The following CUX1 variants were observed in gnomAD, a reference collection of about 807,000 sequenced individuals.
The protein encoded by CUX1 is protein CASP.
A neutral mutation model predicts 158.8 loss-of-function variants in CUX1; 31 were observed. The ratio of observed to expected loss-of-function variants is 0.20; its 90% CI spans 0.15 to 0.26. CUX1 has a LOEUF of 0.26. CUX1 is among the 10% of genes least tolerant of loss of function. The probability of loss-of-function intolerance (pLI) is 1.00; values close to 1 mark genes in which losing one functional copy is unlikely to be tolerated. For missense variants in CUX1, 1,589 were observed against 2,014.6 expected (o/e 0.79, Z 4.04); for synonymous variants, 879 against 862.1 (o/e 1.02, Z -0.34).
At chr7:102,048,895 A>C (rs898401737) in intron 3 of CUX1, among the ~76,000 whole-genome samples, 2 of 152,146 alleles carry the variant, frequency 1.3e-5, no homozygotes, top group Non-Finnish European at 2.9e-5. Flanking sequence ...CCTGGGTGAC[A>C]GAGCGAGACT....
At chr7:101,875,138 G>A (rs945071578) in intron 1 of CUX1, among the ~76,000 whole-genome samples, 15 of 152,126 alleles carry the variant, frequency 9.9e-5, no homozygotes. Context: ...CTCTCTTACC[G>A]GGAGTAAAGT....
chr7:102,175,677 C>T (rs1792238488), intron 10 of CUX1, among the ~76,000 whole-genome samples: 1 of 152,128 alleles, frequency 6.6e-6, no homozygotes, highest in Non-Finnish European at 1.5e-5. Context: ...CCGAGGCCCA[C>T]CCATTCCCCC....
At chr7:102,074,297 A>G (rs1308179831) in intron 4 of CUX1, among the ~76,000 whole-genome samples, 4 of 152,186 alleles carry the variant, frequency 2.6e-5, no homozygotes, top group Non-Finnish European at 5.9e-5. Context: ...CTTGGGAATA[A>G]TGCAACAGGC....
chr7:102,172,103 TGAGA>T (rs1224516386), intron 10 of CUX1, among the ~76,000 whole-genome samples: 3 of 152,110 alleles, frequency 2.0e-5, no homozygotes, highest in African/African-American at 7.2e-5. Flanking sequence ...TTCTTTTTTT[TGAGA>T]GAGAGTCTTC....
chr7:101,974,841 C>T (rs1332638507), intron 2 of CUX1, among the ~76,000 whole-genome samples: 2 of 152,080 alleles, frequency 1.3e-5, no homozygotes, highest in Non-Finnish European at 2.9e-5. Flanking sequence ...GAAGGCATCT[C>T]AGGAGTGTTT....
intron 20 of CUX1, among the ~76,000 whole-genome samples, chr7:102,206,490 C>T (rs1167953265): frequency 1.3e-5 from 2 of 152,134 alleles, no homozygotes; most frequent in African/African-American, 4.8e-5. Context: ...GGAAAGTTAG[C>T]CTTGACCCCC....
chr7:102,099,475 GTT>G (rs111487536), intron 5 of CUX1, among the ~76,000 whole-genome samples: 5 of 142,782 alleles, frequency 3.5e-5, no homozygotes, highest in Admixed American at 7.0e-5. Flanking sequence ...GAGTATCCTG[GTT>G]TTTTTTTTTT....
intron 8 of CUX1, among the ~76,000 whole-genome samples, chr7:102,119,665 A>G (rs1236552225): frequency 6.6e-6 from 1 of 152,216 alleles, no homozygotes; most frequent in African/African-American, 2.4e-5. Context: ...GTTTCCGATT[A>G]TAACCATTTC....
intron 4 of CUX1, among the ~76,000 whole-genome samples, chr7:102,080,168 C>T (rs1554478119): frequency 1.3e-5 from 2 of 152,184 alleles, no homozygotes; most frequent in East Asian, 1.9e-4. Flanking sequence ...TCCATCCTCC[C>T]CCGGTCCCTC....
intron 11 of CUX1, among the ~76,000 whole-genome samples, 192 bp downstream of exon 11, chr7:102,178,849 C>G (rs1473881339): frequency 6.6e-6 from 1 of 152,110 alleles, no homozygotes; most frequent in Non-Finnish European, 1.5e-5. Context: ...TGGCATCAGC[C>G]CTTGTGTAAA....
At chr7:102,061,774 C>T (rs1005693350) in intron 3 of CUX1, among the ~76,000 whole-genome samples, 3 of 152,138 alleles carry the variant, frequency 2.0e-5, no homozygotes, top group South Asian at 4.2e-4. Context: ...GTGGCTCATG[C>T]CTGTAATCCC....
Position 101,916,544 on chromosome 7 carries a change from A to C in CUX1, c.141+319A>C, listed in dbSNP as rs1584971917. 1 of 287,084 alleles carries C rather than the reference A, an allele frequency of 3.5e-6. No individual in the cohort carries two copies. The highest frequency in any genetic ancestry group is 7.1e-6 in the Non-Finnish European group (1 of 141,766). 17.8% of individuals were successfully genotyped at this position (287,084 alleles called of 1,614,324 possible). A position where few individuals can be genotyped will look rare whatever the true frequency, so the allele number is the denominator to read the frequency against. The stretch of plus-strand genomic sequence containing the variant: ...TCTCAGACCCTCGAGCTCATCCCAG[A>C]CCCTGTCCCATGTCAGTTAGCAAGC... On this transcript the variant is annotated intron_variant, in intron 2 of 23. Coordinates refer to ENST00000292535, the MANE Select transcript of CUX1 (RefSeq NM_181552.4). The surrounding 1 kb of genome is among the most constrained non-coding windows in gnomAD (Gnocchi z 4.4).
chr7:101,888,310 G>A lies in CUX1; in HGVS notation c.31-27805G>A, dbSNP rs558018632. ...CGTGCCACTGCACTCCAGCCTGGGT[G>A]ACAGAGTGAGGCTCCGTCTCCAAAA... On this transcript the variant is annotated intron_variant, in intron 1 of 23. Transcript: ENST00000292535. Among the ~76,000 whole-genome samples, 9 of 152,108 alleles carry A rather than the reference G, an allele frequency of 5.9e-5. No individual in the cohort carries two copies. In the South Asian group the frequency reaches 1.9e-3, roughly 32 times the overall value.
Position 101,916,201 on chromosome 7 carries a change from G to C in CUX1, c.117G>C (p.Arg39=). The part of the protein sequence containing the change: ...QSRKRLIEQS[R]EFKKNTPEDL... ...GAAAGCGGCTTATCGAACAGAGCCGGGAGTTCAAGAAGAACACTCCAGAGG... is the reference window on the plus strand; with the variant it reads ...GAAAGCGGCTTATCGAACAGAGCCGCGAGTTCAAGAAGAACACTCCAGAGG... The change falls in exon 2 of 24, where the codon CGG becomes CGC. Residue 39 remains arginine (R), a synonymous_variant. Transcript: ENST00000292535. The surrounding 1 kb of genome is among the most constrained non-coding windows in gnomAD (Gnocchi z 4.4). 3 of 1,613,386 alleles carry C rather than the reference G, an allele frequency of 1.9e-6. No individual in the cohort carries two copies. Among genetic ancestry groups the C allele is most frequent in the Non-Finnish European group, 2.5e-6 (3 of 1,179,420 alleles).
chr7:102,280,221 TC>T, intron 19 of CUX1: 1 of 723,822 alleles, frequency 1.4e-6, no homozygotes. Flanking sequence ...CACTCGGCCT[TC>T]CCTGGCTCCC....
intron 1 of CUX1, among the ~76,000 whole-genome samples, chr7:101,844,087 C>T (rs1214787703): frequency 6.6e-6 from 1 of 152,172 alleles, no homozygotes; most frequent in Non-Finnish European, 1.5e-5. Flanking sequence ...GCTGTGTCAA[C>T]CAATCAGCCC....
rs1436171503 is a variant in CUX1, at chr7:102,248,545, G to C, written c.4021G>C (p.Val1341Leu). 9.3e-6 allele frequency: 14 copies of C among 1,506,776 alleles called. No homozygotes were observed. Among genetic ancestry groups the C allele is most frequent in the Non-Finnish European group, 1.2e-5 (14 of 1,131,558 alleles). The allele number at this position is 1,506,776 out of a possible 1,614,324, so 93.3% of individuals were successfully genotyped here. A position where few individuals can be genotyped will look rare whatever the true frequency, so the allele number is the denominator to read the frequency against. The change falls in exon 24 of 24, where the codon GTG becomes CTG. Residue 1341 changes from valine to leucine, a missense_variant. By Grantham distance (32) the Val-to-Leu change is conservative. Around this residue, in one of 8 missense-constraint regions of CUX1, gnomAD observed 344 missense variants for 323.7 expected, o/e 1.06. Coordinates refer to ENST00000292535, the MANE Select transcript of CUX1 (RefSeq NM_181552.4). The surrounding 1 kb of genome is among the most constrained non-coding windows in gnomAD (Gnocchi z 5.8). ...PSSEGDSCDG[V>L]EATEGPGSAD... ...CTCGGAGGGCGACAGCTGCGACGGC[G>C]TGGAGGCCACTGAGGGCCCAGGCAG...
At chr7:102,195,419 T>C in intron 13 of CUX1, 88 bp from the exon 14 acceptor site, 1 of 1,041,190 alleles carries the variant, frequency 9.6e-7, no homozygotes, top group Non-Finnish European at 1.4e-6. Context: ...CGCGGACAGA[T>C]GGAGGGAGGC....
chr7:101,832,857 G>T (rs1357561074), intron 1 of CUX1, among the ~76,000 whole-genome samples: 1 of 152,058 alleles, frequency 6.6e-6, no homozygotes, highest in African/African-American at 2.4e-5. Flanking sequence ...GCCTGCTCCG[G>T]TGCCTCTGGT....
Sources: allele counts gnomAD v4.1 joint callset (sites outside exome capture counted in the v4.1 genomes callset), GRCh38; gene constraint gnomAD v4.1.1; regional missense constraint gnomAD v4.1.1; non-coding constraint Gnocchi (gnomAD v3.1); transcripts MANE v1.5; gene names NCBI Gene and HGNC (gene_info 2026-07-23, HGNC 2026-07-21).